Variants in LRP1B observed in about 807,000 individuals in gnomAD.
LRP1B encodes low-density lipoprotein receptor-related protein 1B.
A neutral mutation model predicts 556.6 loss-of-function variants in LRP1B; 217 were observed. That is an observed-to-expected ratio of 0.39 (90% CI 0.35 to 0.44). The LOEUF (loss-of-function observed/expected upper bound fraction) is 0.44. Among genes scored for constraint, LRP1B ranks in the 20% least tolerant of loss-of-function variants. The pLI is 1.00. For missense variants in LRP1B, 5,053 were observed against 5,620.8 expected (o/e 0.90, Z 3.23); for synonymous variants, 2,047 against 1,865.8 (o/e 1.10, Z -2.50).
rs569467038 is a variant in LRP1B at position 142,009,425 on chromosome 2, C to T, written c.82+121223G>A. Among the ~76,000 whole-genome samples the T allele has an allele frequency of 5.1e-4, 77 of 152,170 alleles. 2 individuals carry two copies. Among genetic ancestry groups the T allele is most frequent in the Admixed American group, 4.3e-3 (66 of 15,280 alleles). On this transcript the variant is annotated intron_variant, in intron 1 of 90. Coordinates refer to ENST00000389484, the MANE Select transcript of LRP1B (RefSeq NM_018557.3). Reference sequence around the variant, plus strand: ...TGACTCTTGCCTATCTCTGAAGCACCGTCTTGCATTGATACTTCACATGCA... The same window carrying T: ...TGACTCTTGCCTATCTCTGAAGCACTGTCTTGCATTGATACTTCACATGCA...
chr2:142,008,481 A>G (rs1702862660), intron 1 of LRP1B, among the ~76,000 whole-genome samples: 1 of 151,172 alleles, frequency 6.6e-6, no homozygotes, highest in South Asian at 2.1e-4. Context: ...TGCAGAGTCT[A>G]GCCCATTCTG....
At chr2:140,282,413 A>G (rs1023862933) in intron 84 of LRP1B, among the ~76,000 whole-genome samples, 5 of 151,846 alleles carry the variant, frequency 3.3e-5, no homozygotes, top group African/African-American at 1.2e-4. Context: ...AACAAGAGGT[A>G]GAACAGAACT....
chr2:140,980,783 C>A (rs1024000272), intron 18 of LRP1B, among the ~76,000 whole-genome samples: 3 of 152,212 alleles, frequency 2.0e-5, no homozygotes, highest in Non-Finnish European at 4.4e-5. Context: ...GAAAAAGACA[C>A]ATGCACACAC....
chr2:140,944,715 T>C (rs896671687), intron 20 of LRP1B, among the ~76,000 whole-genome samples: 4 of 152,110 alleles, frequency 2.6e-5, no homozygotes, highest in African/African-American at 7.2e-5. Flanking sequence ...CCAACATCCT[T>C]TCATGATAAA....
chr2:140,912,572 T>C (rs1472436144), intron 21 of LRP1B, among the ~76,000 whole-genome samples: 1 of 151,706 alleles, frequency 6.6e-6, no homozygotes, highest in Non-Finnish European at 1.5e-5. Flanking sequence ...AAAACCATAT[T>C]AGATAATTAG....
Position 141,019,982 on chromosome 2 carries a change from T to C in LRP1B, c.1910A>G (p.Lys637Arg). 1 of 1,611,818 alleles carries C rather than the reference T, an allele frequency of 6.2e-7. No homozygotes were observed. The highest frequency in any genetic ancestry group is 1.1e-5 in the South Asian group (1 of 90,970). ...AGACATTTCACCCTCTAAAAGAGTC[T>C]TCCGACTCTGAGAAGCTTTTTCCAG... Reference protein sequence around the residue: ...ARLEKASQSRKTLLEGEMSHP... With the variant: ...ARLEKASQSRRTLLEGEMSHP... Residue 637 changes from lysine (K) to arginine (R), a missense_variant, in exon 12 of 91, where the codon AAG becomes AGG. Transcript: ENST00000389484.
chr2:141,053,614 T>C (rs1699098420), intron 10 of LRP1B, among the ~76,000 whole-genome samples: 1 of 152,060 alleles, frequency 6.6e-6, no homozygotes, highest in African/African-American at 2.4e-5. Flanking sequence ...AGACCCAGTC[T>C]AGAAGCTACT....
intron 41 of LRP1B, among the ~76,000 whole-genome samples, chr2:140,690,724 T>C (rs968210229): frequency 2.6e-5 from 4 of 152,166 alleles, no homozygotes; most frequent in Non-Finnish European, 5.9e-5. Context: ...TGTAACCCTT[T>C]CTCTTCCTTT....
intron 32 of LRP1B, among the ~76,000 whole-genome samples, chr2:140,794,577 T>C (rs1270910207): frequency 1.3e-5 from 2 of 151,842 alleles, no homozygotes; most frequent in Middle Eastern, 3.2e-3. Flanking sequence ...TTAAATAACA[T>C]TGAAATTTTA....
chr2:140,626,541 C>A (rs1683666268), intron 41 of LRP1B, among the ~76,000 whole-genome samples: 2 of 151,832 alleles, frequency 1.3e-5, no homozygotes, highest in Admixed American at 6.6e-5. Context: ...AAAATAAAAT[C>A]TAGTAACAAT....
At chr2:141,861,521 G>A (rs1437407074) in intron 1 of LRP1B, among the ~76,000 whole-genome samples, 1 of 152,046 alleles carries the variant, frequency 6.6e-6, no homozygotes, top group Non-Finnish European at 1.5e-5. Context: ...TCAGAGCTTT[G>A]GTCACCAACA....
chr2:141,357,844 C>G (rs1688681589), intron 3 of LRP1B, among the ~76,000 whole-genome samples: 2 of 151,970 alleles, frequency 1.3e-5, no homozygotes, highest in African/African-American at 2.4e-5. Context: ...AATATTTTTT[C>G]AACTGAACAA....
At chr2:140,476,299 C>T (rs527684821) in intron 59 of LRP1B, among the ~76,000 whole-genome samples, 7,295 of 151,948 alleles carry the variant, frequency 0.048, 212 homozygotes, top group African/African-American at 0.052. Context: ...AATCTGTTAA[C>T]ACAAGTAGAT....
At chr2:140,603,894 A>G (rs775699565) in intron 41 of LRP1B, among the ~76,000 whole-genome samples, 1 of 152,104 alleles carries the variant, frequency 6.6e-6, no homozygotes, top group Non-Finnish European at 1.5e-5. Context: ...TTTAGTTGAG[A>G]TAAGACATAT....
intron 1 of LRP1B, among the ~76,000 whole-genome samples, chr2:141,824,652 A>G (rs1246276231): frequency 6.6e-6 from 1 of 152,206 alleles, no homozygotes. Context: ...CGCGTCCGGC[A>G]TAAACATTGT....
intron 87 of LRP1B, among the ~76,000 whole-genome samples, chr2:140,242,227 T>C (rs1680978075): frequency 6.6e-6 from 1 of 151,160 alleles, no homozygotes; most frequent in Admixed American, 6.6e-5. Context: ...CATTAATAGT[T>C]ATCATACAGT....
intron 2 of LRP1B, among the ~76,000 whole-genome samples, chr2:141,776,896 TA>T: frequency 6.6e-6 from 1 of 152,346 alleles, no homozygotes; most frequent in Non-Finnish European, 1.5e-5. Flanking sequence ...GACCACCACA[TA>T]TTTTTTTAAA....
intron 41 of LRP1B, among the ~76,000 whole-genome samples, chr2:140,667,532 A>G (rs536985558): frequency 4.2e-4 from 64 of 152,256 alleles, no homozygotes; most frequent in African/African-American, 1.5e-3. Context: ...CCTTCAAATA[A>G]TTTTTCTGCT....
chr2:141,166,231 C>T (rs899171458), intron 7 of LRP1B, among the ~76,000 whole-genome samples: 1 of 151,890 alleles, frequency 6.6e-6, no homozygotes, highest in Non-Finnish European at 1.5e-5. Context: ...AGGTGACAGA[C>T]TTGCTCCCTC....
Sources: gnomAD v4.1 joint callset for allele counts (sites outside exome capture counted in the v4.1 genomes callset) on GRCh38, gnomAD v4.1.1 for gene constraint, MANE v1.5 for transcripts, NCBI Gene and HGNC (gene_info 2026-07-23, HGNC 2026-07-21) for gene names.